SSBP2: variants seen among roughly 807,000 people sequenced by gnomAD.
The protein encoded by SSBP2 is single stranded DNA binding protein 2, also known as single-stranded DNA-binding protein 2.
Under a neutral mutation model 61.8 loss-of-function variants are expected in SSBP2, and 17 were observed. The ratio of observed to expected loss-of-function variants is 0.28; its 90% CI spans 0.19 to 0.41. SSBP2 has a LOEUF of 0.41. Among genes scored for constraint, SSBP2 ranks in the 10% least tolerant of loss-of-function variants. The pLI is 1.00. For synonymous variants in SSBP2, 139 were observed against 141.3 expected (o/e 0.98, Z 0.12); for missense variants, 310 against 458.7 (o/e 0.68, Z 2.96).
intron 4 of SSBP2, among the ~76,000 whole-genome samples, chr5:81,577,020 T>C (rs1329078516): frequency 1.3e-5 from 2 of 152,060 alleles, no homozygotes; most frequent in African/African-American, 4.8e-5. Flanking sequence ...AGCAAACTTA[T>C]TAATTAAATG....
chr5:81,505,001 C>A (rs1768069907), intron 5 of SSBP2, among the ~76,000 whole-genome samples: 1 of 152,216 alleles, frequency 6.6e-6, no homozygotes, highest in African/African-American at 2.4e-5. Context: ...GGGTGGCTCC[C>A]AGGACTCTCG....
chr5:81,427,320 A>G (rs1033455152), intron 16 of SSBP2, among the ~76,000 whole-genome samples: 1 of 151,728 alleles, frequency 6.6e-6, no homozygotes, highest in African/African-American at 2.4e-5. Flanking sequence ...GACAGGCTAA[A>G]TTTTTTTTTC....
chr5:81,506,751 T>C (rs1238894309), intron 5 of SSBP2, among the ~76,000 whole-genome samples: 1 of 152,164 alleles, frequency 6.6e-6, no homozygotes, highest in Non-Finnish European at 1.5e-5. Flanking sequence ...ATATAGATAC[T>C]AAGGTATCTT....
At chr5:81,636,514 A>T in intron 3 of SSBP2, 43 bp downstream of exon 3, 1 of 1,468,644 alleles carries the variant, frequency 6.8e-7, no homozygotes, top group Non-Finnish European at 9.5e-7. Flanking sequence ...GGCCTATTGA[A>T]ATGCATCATC....
intron 4 of SSBP2, among the ~76,000 whole-genome samples, chr5:81,534,666 CA>C (rs1770677704): frequency 6.6e-6 from 1 of 151,676 alleles, no homozygotes. Context: ...ACAGGAAAGT[CA>C]AGAGAAAAAA....
At chr5:81,607,448 T>C (rs1424412548) in intron 4 of SSBP2, among the ~76,000 whole-genome samples, 3 of 152,190 alleles carry the variant, frequency 2.0e-5, no homozygotes, top group East Asian at 3.8e-4. Context: ...GGCTATCAAA[T>C]TGAACATGAT....
chr5:81,693,530 C>T (rs1753372490), intron 1 of SSBP2, among the ~76,000 whole-genome samples: 1 of 152,176 alleles, frequency 6.6e-6, no homozygotes, highest in Admixed American at 6.5e-5. Flanking sequence ...TCTGAATAGA[C>T]ATTTCTCAAA....
At chr5:81,660,212 T>C (rs1750569877) in intron 1 of SSBP2, among the ~76,000 whole-genome samples, 1 of 151,868 alleles carries the variant, frequency 6.6e-6, no homozygotes. Context: ...CAAAAGAAAC[T>C]AGCATGAGAG....
chr5:81,749,897 G>A (rs1231071851), intron 1 of SSBP2, among the ~76,000 whole-genome samples: 1 of 152,064 alleles, frequency 6.6e-6, no homozygotes, highest in Non-Finnish European at 1.5e-5. Flanking sequence ...GTAACCAAGC[G>A]GCTCCTTCCC....
chr5:81,534,502 A>G (rs542532613), intron 4 of SSBP2, among the ~76,000 whole-genome samples: 1 of 152,172 alleles, frequency 6.6e-6, no homozygotes, highest in Non-Finnish European at 1.5e-5. Flanking sequence ...CAATGTAAGG[A>G]GAAAGATGAA....
chr5:81,471,052 T>C (rs898438373), intron 8 of SSBP2, among the ~76,000 whole-genome samples: 1 of 151,894 alleles, frequency 6.6e-6, no homozygotes. Flanking sequence ...TCCTTATACT[T>C]TTTATATTGT....
intron 11 of SSBP2, 99 bp downstream of exon 11, chr5:81,448,691 A>G: frequency 8.4e-7 from 1 of 1,196,188 alleles, no homozygotes; most frequent in Non-Finnish European, 1.2e-6. Flanking sequence ...CTTCTTGGCC[A>G]ATACACAGGG....
At chr5:81,469,033 G>C (rs972570017) in intron 8 of SSBP2, among the ~76,000 whole-genome samples, 3 of 151,774 alleles carry the variant, frequency 2.0e-5, no homozygotes, top group African/African-American at 7.2e-5. Flanking sequence ...CTCCTTTTTG[G>C]TCTTACAAGA....
chr5:81,519,634 A>G (rs1769303613), intron 4 of SSBP2, among the ~76,000 whole-genome samples: 1 of 152,006 alleles, frequency 6.6e-6, no homozygotes, highest in African/African-American at 2.4e-5. Context: ...CTGGAACACA[A>G]ATGTTTCAGA....
At chr5:81,569,922 T>A (rs1162696638) in intron 4 of SSBP2, among the ~76,000 whole-genome samples, 1 of 152,196 alleles carries the variant, frequency 6.6e-6, no homozygotes, top group Non-Finnish European at 1.5e-5. Context: ...ACCTACAGTC[T>A]GAGTCTTCAG....
chr5:81,552,378 C>T (rs1581002153), intron 4 of SSBP2, among the ~76,000 whole-genome samples: 1 of 152,098 alleles, frequency 6.6e-6, no homozygotes, highest in Admixed American at 6.6e-5. Flanking sequence ...TGGCTCATGT[C>T]TGGTGATCCC....
intron 4 of SSBP2, among the ~76,000 whole-genome samples, chr5:81,582,178 T>A (rs934753626): frequency 6.6e-6 from 1 of 152,294 alleles, no homozygotes; most frequent in East Asian, 1.9e-4. Flanking sequence ...GGGGTTGACA[T>A]CTATGAGCTG....
rs560493862 is a variant in SSBP2, at chr5:81,559,448, G to A, written c.283-45731C>T. On this transcript the variant is annotated intron_variant, in intron 4 of 16. Coordinates refer to ENST00000320672, the MANE Select transcript of SSBP2 (RefSeq NM_012446.5). ...CACATGCCTGTAGTCCCAGCTATTTGGGAGGCTGAGGCAGGAGAATAACTT... is the reference window on the plus strand; with the variant it reads ...CACATGCCTGTAGTCCCAGCTATTTAGGAGGCTGAGGCAGGAGAATAACTT... 3.3e-5 allele frequency among the ~76,000 whole-genome samples: 5 copies of A among 151,280 alleles called. No individual in the cohort carries two copies. In the South Asian group the frequency reaches 1.0e-3, roughly 32 times the overall value.
chr5:81,553,064 A>C (rs1269895613), intron 4 of SSBP2, among the ~76,000 whole-genome samples: 1 of 152,176 alleles, frequency 6.6e-6, no homozygotes, highest in African/African-American at 2.4e-5. Flanking sequence ...AAGAGGAGGT[A>C]TGAATTCTCA....
Sources: gnomAD v4.1 joint callset for allele counts (sites outside exome capture counted in the v4.1 genomes callset) on GRCh38, gnomAD v4.1.1 for gene constraint, MANE v1.5 for transcripts, NCBI Gene and HGNC (gene_info 2026-07-23, HGNC 2026-07-21) for gene names.